Variants in CHD9 observed in about 807,000 individuals in gnomAD.
CHD9 encodes the protein ATP-dependent chromatin remodeler CHD9.
Under a neutral mutation model 316.1 loss-of-function variants are expected in CHD9, and 77 were observed. That is an observed-to-expected ratio of 0.24 (90% CI 0.20 to 0.29). CHD9 has a LOEUF of 0.29. Ranked by LOEUF, CHD9 falls within the 10% of genes least tolerant of loss-of-function variation. The pLI is 1.00. For missense variants in CHD9, 2,763 were observed against 3,438.1 expected (o/e 0.80, Z 4.91); for synonymous variants, 1,129 against 1,158.3 (o/e 0.97, Z 0.51).
rs756071504 is a variant in CHD9, at chr16:53,121,377, T to A, written c.-164-34549T>A. On this transcript the variant is annotated intron_variant, in intron 1 of 38. Transcript: ENST00000447540. ...AGAGAAGGAATGAGATGCTCGGGGA[T>A]ATTTTATCAAGGAAACCAGCAAACC... The A allele has an allele frequency of 5.7e-5, 26 of 455,974 alleles. 1 individual carries two copies. Among genetic ancestry groups the A allele is most frequent in the South Asian group, 4.0e-4 (26 of 64,572 alleles). The allele number at this position is 455,974 out of a possible 1,614,324, so 28.2% of individuals were successfully genotyped here. A position where few individuals can be genotyped will look rare whatever the true frequency, so the allele number is the denominator to read the frequency against.
intron 1 of CHD9, among the ~76,000 whole-genome samples, chr16:53,072,426 G>A (rs145337200): frequency 0.021 from 2,794 of 132,434 alleles, 94 homozygotes; most frequent in African/African-American, 0.075. Context: ...TTGAGGCAGG[G>A]TCTTGCTCTG....
chr16:53,058,337 T>A (rs1255566631), intron 1 of CHD9, among the ~76,000 whole-genome samples: 1 of 152,158 alleles, frequency 6.6e-6, no homozygotes, highest in Non-Finnish European at 1.5e-5. Context: ...CCCAGGCTGG[T>A]CTCGAGCTCC....
intron 36 of CHD9, 82 bp from the exon 37 acceptor site, chr16:53,318,130 C>A: frequency 9.1e-7 from 1 of 1,096,078 alleles, no homozygotes. Flanking sequence ...TATTAAATTA[C>A]TTGGATCAGC....
chr16:53,298,034 A>G (rs978434332), intron 30 of CHD9, among the ~76,000 whole-genome samples: 2 of 152,252 alleles, frequency 1.3e-5, no homozygotes, highest in African/African-American at 4.8e-5. Flanking sequence ...CTTAATTCCC[A>G]TCAATAATAT....
At chr16:53,196,708 G>A (rs1157655493) in intron 2 of CHD9, among the ~76,000 whole-genome samples, 1 of 152,170 alleles carries the variant, frequency 6.6e-6, no homozygotes, top group African/African-American at 2.4e-5. Flanking sequence ...AATATTAAAT[G>A]AGTGAACCAA....
intron 19 of CHD9, among the ~76,000 whole-genome samples, chr16:53,261,359 C>G (rs568156153): frequency 2.5e-3 from 153 of 61,882 alleles, no homozygotes; most frequent in African/African-American, 9.7e-3. Context: ...GTGTTTTAGA[C>G]TTTTTTTTTT....
chr16:53,318,179 CT>C, intron 36 of CHD9, 32 bp from the exon 37 acceptor site: 1 of 1,572,284 alleles, frequency 6.4e-7, no homozygotes, highest in Non-Finnish European at 8.6e-7. Context: ...CAGTTAAAGA[CT>C]TTAAAGATAT....
At position 53,231,842 on chromosome 16, in the gene CHD9, G is replaced by T. The variant is rs550764260; in HGVS notation, c.2511+58G>T. The T allele has an allele frequency of 1.7e-3, 2,287 of 1,365,642 alleles. 2 individuals are homozygous for T. Among genetic ancestry groups the T allele is most frequent in the Non-Finnish European group, 2.1e-3 (2,042 of 994,652 alleles). The allele number at this position is 1,365,642 out of a possible 1,614,324, so 84.6% of individuals were successfully genotyped here. Reference sequence around the variant, plus strand: ...CTTAGCACTTGTTTATGTAAGTTATGATATTGCTAATAATTATATAATGTT... The same window carrying T: ...CTTAGCACTTGTTTATGTAAGTTATTATATTGCTAATAATTATATAATGTT... On this transcript the variant is annotated intron_variant, in intron 10 of 38. Coordinates refer to ENST00000447540, the MANE Select transcript of CHD9 (RefSeq NM_001308319.2).
chr16:53,304,555 T>TTCCTCCTCC lies in CHD9; in HGVS notation c.6558_6566dup (p.Ser2191_Ser2193dup). On this transcript the variant is annotated inframe_insertion, in exon 31 of 39. Coordinates refer to ENST00000447540, the MANE Select transcript of CHD9 (RefSeq NM_001308319.2). The stretch of plus-strand genomic sequence containing the variant: ...CTTCTTCATCCTCTTCCTCCACCTC[T>TTCCTCCTCC]TCCTCCTCCTCCTCCTCTTCATCTT... The TTCCTCCTCC allele has an allele frequency of 6.5e-7, 1 of 1,540,722 alleles. No individual in the cohort carries two copies. The highest frequency in any genetic ancestry group is 8.8e-7 in the Non-Finnish European group (1 of 1,136,964).
chr16:53,143,441 A>G (rs2040303141), intron 1 of CHD9, among the ~76,000 whole-genome samples: 1 of 149,608 alleles, frequency 6.7e-6, no homozygotes, highest in Admixed American at 6.7e-5. Flanking sequence ...AGGCTGGAGC[A>G]CAGTGGTGTG....
intron 1 of CHD9, among the ~76,000 whole-genome samples, chr16:53,085,803 C>T (rs1163809329): frequency 2.6e-5 from 4 of 152,214 alleles, no homozygotes; most frequent in Non-Finnish European, 5.9e-5. Flanking sequence ...CAGGGCTTTT[C>T]TGTGAGTTGC....
At chr16:53,099,541 GAT>G (rs2036660130) in intron 1 of CHD9, among the ~76,000 whole-genome samples, 1 of 152,054 alleles carries the variant, frequency 6.6e-6, no homozygotes, top group Non-Finnish European at 1.5e-5. Flanking sequence ...TTCCACCTTA[GAT>G]AGGTCACCAG....
chr16:53,186,858 C>T (rs2044058875), intron 2 of CHD9, among the ~76,000 whole-genome samples: 1 of 152,160 alleles, frequency 6.6e-6, no homozygotes, highest in African/African-American at 2.4e-5. Context: ...CTTTCCCCTT[C>T]CACCATGATT....
chr16:53,298,884 G>T, intron 30 of CHD9: 1 of 158,852 alleles, frequency 6.3e-6, no homozygotes, highest in South Asian at 1.9e-4. Flanking sequence ...TGGAGGAAGA[G>T]ACAGAAGATA....
chr16:53,264,655 C>T (rs62049783), intron 20 of CHD9, among the ~76,000 whole-genome samples: 47,138 of 151,874 alleles, frequency 0.31, 7,465 homozygotes, highest in Middle Eastern at 0.39. Context: ...AGTAAGATGG[C>T]AGAGAATGCT....
intron 22 of CHD9, among the ~76,000 whole-genome samples, chr16:53,272,316 C>G (rs114168706): frequency 6.6e-6 from 1 of 151,016 alleles, no homozygotes; most frequent in African/African-American, 2.4e-5. Context: ...TATGAACTTA[C>G]ATACATCTAA....
intron 34 of CHD9, among the ~76,000 whole-genome samples, chr16:53,312,671 G>T (rs1429418228): frequency 2.0e-5 from 3 of 152,158 alleles, no homozygotes; most frequent in Non-Finnish European, 2.9e-5. Flanking sequence ...GGGGTCAGAG[G>T]TTGAGAATCA....
chr16:53,149,450 G>C (rs1328168182), intron 1 of CHD9, among the ~76,000 whole-genome samples: 1 of 151,836 alleles, frequency 6.6e-6, no homozygotes, highest in South Asian at 2.1e-4. Flanking sequence ...AAATTTTGTG[G>C]GTCTGTTAGG....
intron 34 of CHD9, chr16:53,312,053 GAAAT>G (rs1271830603): frequency 6.6e-6 from 1 of 152,170 alleles, no homozygotes; most frequent in Non-Finnish European, 1.5e-5. Flanking sequence ...ATCAGCCTCA[GAAAT>G]AAGTCAGGGT....
Sources: gnomAD v4.1 joint callset for allele counts (sites outside exome capture counted in the v4.1 genomes callset) on GRCh38, gnomAD v4.1.1 for gene constraint, MANE v1.5 for transcripts, NCBI Gene and HGNC (gene_info 2026-07-23, HGNC 2026-07-21) for gene names.